DPP10: variants seen among roughly 807,000 people sequenced by gnomAD.
DPP10 encodes the protein dipeptidyl peptidase like 10, also known as inactive dipeptidyl peptidase 10.
Under a neutral mutation model 120.9 loss-of-function variants are expected in DPP10, and 33 were observed. The ratio of observed to expected loss-of-function variants is 0.27; its 90% CI spans 0.21 to 0.37. The LOEUF is 0.37. Ranked by LOEUF, DPP10 falls within the 10% of genes least tolerant of loss-of-function variation. The pLI is 1.00. For missense variants in DPP10, 816 were observed against 942.8 expected, an observed-to-expected ratio of 0.87 and a Z score of 1.76; for synonymous variants, 337 against 326.1, an observed-to-expected ratio of 1.03 and a Z score of -0.36.
At chr2:114,756,551 G>A (rs896061943) in intron 1 of DPP10, among the ~76,000 whole-genome samples, 2 of 152,178 alleles carry the variant, frequency 1.3e-5, no homozygotes, top group African/African-American at 2.4e-5. Context: ...ATTTCACACT[G>A]GTTCTCAGTT....
chr2:115,840,154 T>C (rs953314721), intron 24 of DPP10, among the ~76,000 whole-genome samples: 1 of 151,510 alleles, frequency 6.6e-6, no homozygotes, highest in Non-Finnish European at 1.5e-5. Flanking sequence ...TTAGGAATAA[T>C]AAATACTATC....
rs1303360006 is a variant in DPP10 at position 115,369,361 on chromosome 2, G to T, written c.271+25449G>T. Among the ~76,000 whole-genome samples, 3 of 152,116 alleles carry T rather than the reference G, an allele frequency of 2.0e-5. No homozygotes were observed. In the East Asian group the frequency reaches 5.8e-4, roughly 29 times the overall value. On this transcript the variant is annotated intron_variant, in intron 3 of 25. Coordinates refer to ENST00000410059, the MANE Select transcript of DPP10 (RefSeq NM_020868.6). ...GATTATTATAATAAAAAAGGCATCT[G>T]CTTTATGTATAATTAAATAGTTTTT... is the stretch of plus-strand genomic sequence containing the variant.
At chr2:115,755,714 A>G (rs1679303603) in intron 11 of DPP10, among the ~76,000 whole-genome samples, 1 of 152,000 alleles carries the variant, frequency 6.6e-6, no homozygotes, top group African/African-American at 2.4e-5. Flanking sequence ...TAAAACTATA[A>G]TTAACATATG....
intron 1 of DPP10, among the ~76,000 whole-genome samples, chr2:114,892,296 C>T (rs769389086): frequency 6.6e-6 from 1 of 152,104 alleles, no homozygotes; most frequent in African/African-American, 2.4e-5. Context: ...TTGTATTAAC[C>T]ATCTGCCTCT....
At chr2:114,540,316 G>A (rs1349694995) in intron 1 of DPP10, among the ~76,000 whole-genome samples, 1 of 152,186 alleles carries the variant, frequency 6.6e-6, no homozygotes, top group Non-Finnish European at 1.5e-5. Flanking sequence ...CTGTCATGGA[G>A]AATCTGAGAC....
intron 1 of DPP10, among the ~76,000 whole-genome samples, chr2:114,502,704 A>G (rs1317024730): frequency 6.6e-6 from 1 of 152,150 alleles, no homozygotes; most frequent in Non-Finnish European, 1.5e-5. Flanking sequence ...ACATTCTACC[A>G]TGTGGTAGTA....
intron 19 of DPP10, among the ~76,000 whole-genome samples, chr2:115,812,738 G>A (rs1322519311): frequency 6.6e-6 from 1 of 152,058 alleles, no homozygotes; most frequent in Non-Finnish European, 1.5e-5. Flanking sequence ...AAAGAATGGA[G>A]GAGAGTTGTG....
chr2:115,785,883 C>T (rs1475016716), intron 17 of DPP10, among the ~76,000 whole-genome samples: 1 of 143,692 alleles, frequency 7.0e-6, no homozygotes, highest in Non-Finnish European at 1.5e-5. Context: ...TTGATTTGCT[C>T]TTGTTTTTCT....
At chr2:114,630,423 T>A (rs186096999) in intron 1 of DPP10, among the ~76,000 whole-genome samples, 1 of 152,310 alleles carries the variant, frequency 6.6e-6, no homozygotes, top group East Asian at 1.9e-4. Flanking sequence ...AAGTCTGATT[T>A]GGAAAGGTCA....
intron 1 of DPP10, among the ~76,000 whole-genome samples, chr2:114,752,203 G>T (rs1200002195): frequency 2.6e-5 from 4 of 152,136 alleles, no homozygotes; most frequent in Non-Finnish European, 5.9e-5. Context: ...AGAAGGGCAG[G>T]TTGCTGCCCC....
At chr2:115,811,571 C>T (rs1389819348) in intron 19 of DPP10, among the ~76,000 whole-genome samples, 1 of 152,158 alleles carries the variant, frequency 6.6e-6, no homozygotes, top group African/African-American at 2.4e-5. Flanking sequence ...CTTCTGAAAT[C>T]GCTGTGAACA....
At chr2:114,834,562 C>T (rs574733752) in intron 1 of DPP10, among the ~76,000 whole-genome samples, 3 of 145,680 alleles carry the variant, frequency 2.1e-5, no homozygotes, top group South Asian at 2.2e-4. Flanking sequence ...TATCTACGCA[C>T]CTATGTATAT....
At chr2:115,485,046 G>A (rs1329275683) in intron 3 of DPP10, among the ~76,000 whole-genome samples, 1 of 151,908 alleles carries the variant, frequency 6.6e-6, no homozygotes, top group Admixed American at 6.6e-5. Context: ...ACTCCAGCTG[G>A]GCAACAGAGC....
At chr2:115,357,178 A>G (rs2064447778) in intron 3 of DPP10, among the ~76,000 whole-genome samples, 1 of 152,206 alleles carries the variant, frequency 6.6e-6, no homozygotes, top group Admixed American at 6.5e-5. Flanking sequence ...GATAATGGAT[A>G]GTGACCTAAT....
intron 1 of DPP10, among the ~76,000 whole-genome samples, chr2:115,127,786 G>A (rs551351167): frequency 6.6e-6 from 1 of 152,268 alleles, no homozygotes; most frequent in East Asian, 1.9e-4. Context: ...CAGCCACTGT[G>A]ACTGTCATAT....
At chr2:115,558,080 A>T (rs2080330403) in intron 5 of DPP10, among the ~76,000 whole-genome samples, 1 of 152,146 alleles carries the variant, frequency 6.6e-6, no homozygotes, top group South Asian at 2.1e-4. Flanking sequence ...GTGTGTGTTT[A>T]TGTGTGTTCT....
chr2:114,671,496 C>A (rs1420743084), intron 1 of DPP10, among the ~76,000 whole-genome samples: 1 of 152,122 alleles, frequency 6.6e-6, no homozygotes, highest in African/African-American at 2.4e-5. Context: ...GTACAACCTG[C>A]AGAACCATGA....
At chr2:114,942,400 C>G (rs7422034) in intron 1 of DPP10, among the ~76,000 whole-genome samples, 1 of 99,376 alleles carries the variant, frequency 1.0e-5, no homozygotes, top group South Asian at 2.9e-4. Context: ...TACACACACA[C>G]ACATATATAT....
chr2:115,245,994 A>G (rs2058516753), intron 1 of DPP10, among the ~76,000 whole-genome samples: 1 of 152,122 alleles, frequency 6.6e-6, no homozygotes, highest in Non-Finnish European at 1.5e-5. Context: ...ATGAGCTCCA[A>G]AAGTTGTGCT....
Sources: allele counts gnomAD v4.1 joint callset (sites outside exome capture counted in the v4.1 genomes callset), GRCh38; gene constraint gnomAD v4.1.1; transcripts MANE v1.5; gene names NCBI Gene and HGNC (gene_info 2026-07-23, HGNC 2026-07-21).